C21orf58: variants seen among roughly 807,000 people sequenced by gnomAD.
The protein encoded by C21orf58 is chromosome 21 open reading frame 58.
C21orf58 carries 34 observed loss-of-function variants against 35.8 expected under a neutral mutation model. The ratio of observed to expected loss-of-function variants is 0.95; its 90% confidence interval spans 0.72 to 1.26. The LOEUF (loss-of-function observed/expected upper bound fraction) is 1.26, where lower values mean the gene tolerates loss of function less well. C21orf58 is among the 50% of genes most tolerant of loss of function. C21orf58 has a pLI of 0.00. For synonymous variants in C21orf58, 191 were observed against 175.8 expected, an observed-to-expected ratio of 1.09 and a Z score of -0.68; for missense variants, 440 against 414.3, an observed-to-expected ratio of 1.06 and a Z score of -0.54.
intron 1 of C21orf58, among the ~76,000 whole-genome samples, chr21:46,319,626 C>T (rs918025170): frequency 2.0e-5 from 3 of 152,126 alleles, no homozygotes; most frequent in Non-Finnish European, 4.4e-5. Context: ...GGGCCAGGTG[C>T]GGTGGCTCAT....
intron 5 of C21orf58, among the ~76,000 whole-genome samples, chr21:46,313,905 G>A (rs898794509): frequency 3.3e-5 from 5 of 152,026 alleles, no homozygotes; most frequent in Non-Finnish European, 4.4e-5. Flanking sequence ...CCAGTCACAC[G>A]AATCCCACCA....
chr21:46,321,737 C>A (rs1468642306), intron 1 of C21orf58, among the ~76,000 whole-genome samples: 1 of 151,994 alleles, frequency 6.6e-6, no homozygotes, highest in African/African-American at 2.4e-5. Context: ...CGTCACTTGG[C>A]TGAGGTGGAG....
intron 1 of C21orf58, among the ~76,000 whole-genome samples, chr21:46,321,934 C>T (rs2083174230): frequency 7.8e-6 from 1 of 128,794 alleles, no homozygotes; most frequent in Non-Finnish European, 1.6e-5. Flanking sequence ...GTTAGGGTCT[C>T]AGTCTGTCAC....
At chr21:46,318,571 C>T in intron 1 of C21orf58, 2 of 1,191,482 alleles carry the variant, frequency 1.7e-6, no homozygotes, top group Non-Finnish European at 2.1e-6. Flanking sequence ...TGTGTACTGC[C>T]TCCAGGGTGT....
intron 5 of C21orf58, chr21:46,312,954 T>C: frequency 1.0e-6 from 1 of 980,102 alleles, no homozygotes; most frequent in Non-Finnish European, 1.2e-6. Flanking sequence ...GAAAATAAAT[T>C]ATAGCCAAAT....
intron 1 of C21orf58, among the ~76,000 whole-genome samples, chr21:46,319,941 T>C (rs2083099572): frequency 6.6e-6 from 1 of 151,848 alleles, no homozygotes; most frequent in African/African-American, 2.4e-5. Context: ...AACAAGATAA[T>C]AAAAGAACCT....
At chr21:46,308,328 G>A (rs937734415) in intron 6 of C21orf58, among the ~76,000 whole-genome samples, 3 of 151,894 alleles carry the variant, frequency 2.0e-5, no homozygotes, top group Non-Finnish European at 4.4e-5. Flanking sequence ...GGGCGTGGTG[G>A]CACATGCCTG....
chr21:46,308,306 C>T (rs2082516407), intron 6 of C21orf58, among the ~76,000 whole-genome samples: 1 of 151,866 alleles, frequency 6.6e-6, no homozygotes, highest in Non-Finnish European at 1.5e-5. Context: ...ACTAAAAATA[C>T]AAAAATCAGC....
chr21:46,306,426 G>T (rs2082421723), intron 6 of C21orf58, among the ~76,000 whole-genome samples: 1 of 152,066 alleles, frequency 6.6e-6, no homozygotes, highest in African/African-American at 2.4e-5. Flanking sequence ...TTCAACCTAG[G>T]AGGCGGAGGT....
chr21:46,315,379 T>G, intron 4 of C21orf58, 95 bp downstream of exon 4: 1 of 814,318 alleles, frequency 1.2e-6, no homozygotes, highest in Middle Eastern at 2.3e-4. Context: ...TGGAAAGGTC[T>G]TCCCTAATAC....
intron 5 of C21orf58, among the ~76,000 whole-genome samples, chr21:46,312,625 C>T (rs1280260201): frequency 1.3e-5 from 2 of 152,240 alleles, no homozygotes; most frequent in Non-Finnish European, 2.9e-5. Context: ...CCACCTTGGC[C>T]TCCCAAAGTG....
At chr21:46,303,300 C>T (rs917019791) in intron 6 of C21orf58, among the ~76,000 whole-genome samples, 1 of 152,076 alleles carries the variant, frequency 6.6e-6, no homozygotes, top group African/African-American at 2.4e-5. Context: ...GATCATGCCC[C>T]TGCACTCTAG....
chr21:46,312,013 AT>A (rs2082745580), intron 5 of C21orf58, among the ~76,000 whole-genome samples: 1 of 104,578 alleles, frequency 9.6e-6, no homozygotes, highest in African/African-American at 3.8e-5. Context: ...CCACCCATCC[AT>A]CCACCCATCC....
At chr21:46,302,338 C>A in intron 7 of C21orf58, 147 bp downstream of exon 7, 3 of 1,137,442 alleles carry the variant, frequency 2.6e-6, no homozygotes, top group Non-Finnish European at 3.7e-6. Flanking sequence ...TGGGCTGGGA[C>A]TCGATGGGGA....
At chr21:46,312,328 T>C (rs1307021497) in intron 5 of C21orf58, among the ~76,000 whole-genome samples, 1 of 152,028 alleles carries the variant, frequency 6.6e-6, no homozygotes, top group Non-Finnish European at 1.5e-5. Context: ...GTGTTTTTGT[T>C]TTTTTTTGAG....
chr21:46,303,733 ATATATATATATATTTT>A (rs1358292289), intron 6 of C21orf58, among the ~76,000 whole-genome samples: 92 of 32,222 alleles, frequency 2.9e-3, no homozygotes, highest in African/African-American at 0.012. Context: ...ATATATATAT[ATATATATATATATTTT>A]TTTTTTTTTT....
intron 1 of C21orf58, chr21:46,318,662 T>G: frequency 1.9e-6 from 2 of 1,065,488 alleles, no homozygotes; most frequent in East Asian, 8.0e-5. Context: ...GTGAGGAGAC[T>G]GCCTACCAAG....
At chr21:46,317,337 C>T (rs962213093) in intron 2 of C21orf58, 69 bp from the exon 3 acceptor site, 2 of 1,573,030 alleles carry the variant, frequency 1.3e-6, no homozygotes, top group African/African-American at 2.7e-5. Context: ...CCAGGAATGA[C>T]TAAGAGGCTT....
rs887794984 is a variant in C21orf58, at chr21:46,323,318, A to C, written c.-580T>G. The C allele has an allele frequency of 5.9e-5, 9 of 152,262 alleles. No individual in the cohort carries two copies. Among genetic ancestry groups the C allele is most frequent in the Admixed American group, 3.9e-4 (6 of 15,286 alleles). 9.4% of individuals were successfully genotyped at this position (152,262 alleles called of 1,614,324 possible). On this transcript the variant is annotated 5_prime_UTR_variant, in exon 1 of 8. An upstream start codon of the reference 5' UTR is lost. Transcript: ENST00000291691. ...GCTCAAGCTGAGGGACGACGACCTC[A>C]TGCGACGTCAGTTTCCCCCTGGGAC...
Sources: gnomAD v4.1 joint callset for allele counts (sites outside exome capture counted in the v4.1 genomes callset) on GRCh38, gnomAD v4.1.1 for gene constraint, MANE v1.5 for transcripts, NCBI Gene and HGNC (gene_info 2026-07-23, HGNC 2026-07-21) for gene names.